Variants in RBM23 observed in about 807,000 individuals in gnomAD.
RBM23 encodes probable RNA-binding protein 23.
RBM23 carries 53 observed loss-of-function variants against 56.2 expected under a neutral mutation model. The ratio of observed to expected loss-of-function variants is 0.94; its 90% CI spans 0.76 to 1.19. The LOEUF is 1.19. RBM23 is among the 50% of genes most tolerant of loss of function. RBM23 has a pLI of 0.00. For synonymous variants in RBM23, 197 were observed against 198.5 expected (o/e 0.99, Z 0.06); for missense variants, 642 against 590.3 (o/e 1.09, Z -0.91).
Position 22,919,117 on chromosome 14 carries a change from A to C in RBM23, c.-129T>G, listed in dbSNP as rs1951119. The stretch of plus-strand genomic sequence containing the variant: ...AAGAAAAGCAGCACTGCAGGTACAG[A>C]GCCTCCTCTTCCCGCAAAATGGCGG... On this transcript the variant is annotated 5_prime_UTR_variant, in exon 1 of 14. Coordinates refer to ENST00000359890, the MANE Select transcript of RBM23 (RefSeq NM_001077351.2). The C allele has an allele frequency of 0.57, 86,184 of 152,052 alleles. 25,342 individuals are homozygous for C. The highest frequency in any genetic ancestry group is 0.79 in the East Asian group (4,085 of 5,160). The allele number at this position is 152,052 out of a possible 1,614,324, so 9.4% of individuals were successfully genotyped here. A position where few individuals can be genotyped will look rare whatever the true frequency, so the allele number is the denominator to read the frequency against.
rs781160232 is a variant in RBM23 at position 22,904,292 on chromosome 14, G to A, written c.899C>T (p.Thr300Ile). The A allele has an allele frequency of 1.8e-5, 29 of 1,612,934 alleles. No individual in the cohort carries two copies. In the South Asian group the frequency reaches 3.1e-4, roughly 17 times the overall value. The change falls in exon 10 of 14, where the codon ACA becomes ATA. Residue 300 changes from threonine (T) to isoleucine (I), a missense_variant. Thr to Ile is a moderately conservative substitution (Grantham distance 89). Transcript: ENST00000359890. ...GAAACCATAACCTTTAGAGCGGCCT[G>A]TATCTGAGTCCTTCATCAGGACAAT... is the stretch of plus-strand genomic sequence containing the variant. ...DNIVLMKDSDTGRSKGYGFIT... is the reference protein window; with the variant it reads ...DNIVLMKDSDIGRSKGYGFIT...
rs777968617 is a variant in RBM23, at chr14:22,904,919, T to C, written c.820A>G (p.Ile274Val). Residue 274 changes from isoleucine (I) to valine (V), a missense_variant, in exon 9 of 14, where the codon ATC (isoleucine) becomes GTC (valine). Coordinates refer to ENST00000359890, the MANE Select transcript of RBM23 (RefSeq NM_001077351.2). ...ATGCCCCGGAGCATGTCTTCAGTGA[T>C]ATTGAAGTGCAGGGAACCCACATAG... Reference protein sequence around the residue: ...RLYVGSLHFNITEDMLRGIFE... With the variant: ...RLYVGSLHFNVTEDMLRGIFE... 8.1e-6 allele frequency: 13 copies of C among 1,614,076 alleles called. 1 individual carries two copies. The highest frequency in any genetic ancestry group is 6.7e-5 in the East Asian group (3 of 44,894).
Position 22,905,625 on chromosome 14 carries a change from T to G in RBM23, c.436A>C (p.Arg146=). ...RYGHSKSPHF[R]EKSPVREPVD... Reference sequence around the variant, plus strand: ...ACCCACCTGACTGGGCTCTTCTCTCTGAAATGAGGACTCTTACTGTGTCCA... The same window carrying G: ...ACCCACCTGACTGGGCTCTTCTCTCGGAAATGAGGACTCTTACTGTGTCCA... The change falls in exon 6 of 14, where the codon AGA becomes CGA. Residue 146 remains arginine, a synonymous_variant. Transcript: ENST00000359890. The G allele has an allele frequency of 6.2e-7, 1 of 1,610,366 alleles. No individual in the cohort carries two copies. The highest frequency in any genetic ancestry group is 1.1e-5 in the South Asian group (1 of 90,994).
chr14:22,911,328 CTCT>C lies in RBM23; in HGVS notation c.63_65del (p.Glu22del), dbSNP rs1175964836. The C allele has an allele frequency of 1.9e-6, 3 of 1,612,964 alleles. No homozygotes were observed. Among genetic ancestry groups the C allele is most frequent in the South Asian group, 1.1e-5 (1 of 91,016 alleles). On this transcript the variant is annotated inframe_deletion and splice_region_variant, in exon 2 of 14. Transcript: ENST00000359890. ...CCAGGAGTGAGGTGGAAAATATTAC[CTCT>C]TCTTTTTTATAGGGAGCTTCCAGCA...
At chr14:22,905,907 ATCTAGCTCATTTT>A in intron 5 of RBM23, 1 of 589,872 alleles carries the variant, frequency 1.7e-6, no homozygotes. Context: ...ACATGACCAT[ATCTAGCTCATTTT>A]TGCATTTTTT....
chr14:22,901,838 G>A lies in RBM23; in HGVS notation c.1292C>T (p.Ser431Phe), dbSNP rs778024792. Reference protein sequence around the residue: ...LNLASQCFQLSSLFTPQTM With the variant: ...LNLASQCFQLFSLFTPQTM ...CATGGTCTGGGGGGTAAAGAGGCTG[G>A]AGAGCTGGAAACACTGGGAGGCAAG... Residue 431 changes from serine (S) to phenylalanine (F), a missense_variant, in exon 13 of 14, where the codon TCC (serine) becomes TTC (phenylalanine). Ser to Phe is a radical substitution (Grantham distance 155, BLOSUM62 -2). Transcript: ENST00000359890. The A allele has an allele frequency of 6.2e-6, 10 of 1,614,224 alleles. No individual in the cohort carries two copies. Among genetic ancestry groups the A allele is most frequent in the Non-Finnish European group, 6.8e-6 (8 of 1,180,030 alleles).
rs2041554431 is a variant in RBM23, at chr14:22,906,361, GA to G, written c.234del (p.Arg79GlufsTer80). The G allele has an allele frequency of 1.2e-6, 2 of 1,613,964 alleles. No homozygotes were observed. The highest frequency in any genetic ancestry group is 2.2e-5 in the South Asian group (2 of 91,080). ...NKSRDRKRSRSRDRDRYRRRN... is the reference protein window; with the variant it reads ...NKSRDRKRSRXRDRDRYRRRN... ...CTCCGTCTATACCGATCCCGATCTC[GA>G]CTACGACTACAGAGGGAAACAACTA... On this transcript the variant is annotated frameshift_variant, in exon 5 of 14. Coordinates refer to ENST00000359890, the MANE Select transcript of RBM23 (RefSeq NM_001077351.2). LOFTEE classifies it high-confidence loss of function.
At chr14:22,914,557 T>C (rs1393952258) in intron 1 of RBM23, among the ~76,000 whole-genome samples, 1 of 151,928 alleles carries the variant, frequency 6.6e-6, no homozygotes, top group Non-Finnish European at 1.5e-5. Flanking sequence ...TCAAAACGCA[T>C]GAAAGTGTAC....
chr14:22,904,130 C>A, intron 10 of RBM23, 131 bp downstream of exon 10: 1 of 1,561,754 alleles, frequency 6.4e-7, no homozygotes, highest in South Asian at 1.2e-5. Context: ...AAGGCTAGTC[C>A]AAGCTTCAGG....
chr14:22,916,872 G>A (rs964127700), intron 1 of RBM23, among the ~76,000 whole-genome samples: 1 of 151,224 alleles, frequency 6.6e-6, no homozygotes, highest in Non-Finnish European at 1.5e-5. Context: ...AGAAAAGTTT[G>A]TTTTTGTTTT....
intron 10 of RBM23, chr14:22,902,752 T>C: frequency 1.0e-6 from 1 of 959,046 alleles, no homozygotes. Context: ...TAGTAAGTTT[T>C]AGTCTTTTTT....
In RBM23 at chr14:22,902,337, C is replaced by G; in HGVS notation, c.976G>C (p.Gly326Arg). The change falls in exon 11 of 14, where the codon GGG becomes CGG. Residue 326 changes from glycine to arginine, a missense_variant. Transcript: ENST00000359890. ...ATAGGTCGACCAGCAAGCTCAAACC[C>G]ATTCAACTGTTCCAGGGCCCGCCGG... Reference protein sequence around the residue: ...CARRALEQLNGFELAGRPMRV... With the variant: ...CARRALEQLNRFELAGRPMRV... 1 of 1,614,102 alleles carries G rather than the reference C, an allele frequency of 6.2e-7. No homozygotes were observed.
Position 22,910,151 on chromosome 14 carries a change from C to CAAAAAAAAAAAAAAAAAAAAAAAAAAA in RBM23, c.67-557_67-556insTTTTTTTTTTTTTTTTTTTTTTTTTTT, listed in dbSNP as rs532892000. On this transcript the variant is annotated intron_variant, in intron 2 of 13. Coordinates refer to ENST00000359890, the MANE Select transcript of RBM23 (RefSeq NM_001077351.2). ...TGGGCAGCCTAGTGAGACTCTGTCT[C>CAAAAAAAAAAAAAAAAAAAAAAAAAAA]AAAAAAAAAAAAAAAAAAAAAAAAA... Among the ~76,000 whole-genome samples the CAAAAAAAAAAAAAAAAAAAAAAAAAAA allele has an allele frequency of 1.2e-4, 2 of 16,704 alleles. 1 individual carries two copies. Among genetic ancestry groups the CAAAAAAAAAAAAAAAAAAAAAAAAAAA allele is most frequent in the Non-Finnish European group, 2.2e-4 (2 of 8,958 alleles). The allele number at this position is 16,704 out of a possible 152,430, so 11.0% of individuals were successfully genotyped here.
chr14:22,915,838 G>A (rs2043390022), intron 1 of RBM23, among the ~76,000 whole-genome samples: 1 of 152,120 alleles, frequency 6.6e-6, no homozygotes, highest in African/African-American at 2.4e-5. Flanking sequence ...AGCAATCAAA[G>A]GTAACAAATG....
rs2041006877 is a variant in RBM23 at position 22,903,648 on chromosome 14, C to T, written c.930+613G>A. On this transcript the variant is annotated intron_variant, in intron 10 of 13. Transcript: ENST00000359890. ...CTGCCTGGTTTAAGCCCAGAAAATA[C>T]AAGCTTCTATCAGACTTTGTGGCTG... The T allele has an allele frequency of 4.0e-6, 4 of 999,258 alleles. No individual in the cohort carries two copies. The Admixed American group carries it at 2.2e-4, about 54-fold the overall frequency. The allele number at this position is 999,258 out of a possible 1,614,324, so 61.9% of individuals were successfully genotyped here.
intron 2 of RBM23, among the ~76,000 whole-genome samples, chr14:22,910,292 TC>T (rs1176161459): frequency 1.4e-5 from 2 of 144,378 alleles, no homozygotes; most frequent in African/African-American, 2.6e-5. Context: ...AGAAACCATC[TC>T]CACTAAAAAG....
intron 1 of RBM23, chr14:22,913,848 C>CA (rs959426649): frequency 2.6e-4 from 38 of 146,726 alleles, no homozygotes; most frequent in Non-Finnish European, 4.2e-4. Context: ...GATTCCATCT[C>CA]AAAAAAAAAA....
At position 22,906,315 on chromosome 14, in the gene RBM23, G is replaced by A. The variant is rs1313599009; in HGVS notation, c.281C>T (p.Pro94Leu). ...YRRRNSRSRSPGRQCRHRSRS... is the reference protein window; with the variant it reads ...YRRRNSRSRSLGRQCRHRSRS... Reference sequence around the variant, plus strand: ...GCTACGGTGACGACACTGCCGACCTGGACTTCGGCTCCGACTATTTCTCCG... The same window carrying A: ...GCTACGGTGACGACACTGCCGACCTAGACTTCGGCTCCGACTATTTCTCCG... The change falls in exon 5 of 14, where the codon CCA (proline) becomes CTA (leucine). Residue 94 changes from proline to leucine, a missense_variant. Transcript: ENST00000359890. 1.2e-6 allele frequency: 2 copies of A among 1,614,198 alleles called. No homozygotes were observed. Among genetic ancestry groups the A allele is most frequent in the African/African-American group, 2.7e-5 (2 of 75,050 alleles).
chr14:22,904,324 A>T lies in RBM23; in HGVS notation c.867T>A (p.Ile289=), dbSNP rs1555338086. The T allele has an allele frequency of 6.2e-7, 1 of 1,605,734 alleles. No individual in the cohort carries two copies. Among genetic ancestry groups the T allele is most frequent in the Non-Finnish European group, 8.5e-7 (1 of 1,172,906 alleles). Residue 289 remains isoleucine, a splice_region_variant and synonymous_variant, in exon 10 of 14, where the codon ATT becomes ATA. Transcript: ENST00000359890. ...AGTCCTTCATCAGGACAATATTATC[A>T]ATCTGTAGAAGAGTGAGAAATTATC... is the stretch of plus-strand genomic sequence containing the variant. The part of the protein sequence containing the change: ...LRGIFEPFGK[I]DNIVLMKDSD...
Sources: allele counts gnomAD v4.1 joint callset (sites outside exome capture counted in the v4.1 genomes callset), GRCh38; gene constraint gnomAD v4.1.1; transcripts MANE v1.5; gene names NCBI Gene and HGNC (gene_info 2026-07-23, HGNC 2026-07-21).